Variants in SETBP1 observed in about 807,000 individuals in gnomAD.
The protein encoded by SETBP1 is SET binding protein 1, also known as SET-binding protein.
Under a neutral mutation model 101.0 loss-of-function variants are expected in SETBP1, and 9 were observed. The observed-to-expected ratio is 0.09, with a 90% CI of 0.05 to 0.16. The LOEUF is 0.16. SETBP1 is among the 10% of genes least tolerant of loss of function. The pLI, the probability that SETBP1 is intolerant of heterozygous loss-of-function variation, is 1.00. For synonymous variants in SETBP1, 818 were observed against 788.5 expected (o/e 1.04, Z -0.63); for missense variants, 1,858 against 2,033.8 (o/e 0.91, Z 1.66).
chr18:44,887,460 G>T (rs1190841360), intron 3 of SETBP1, among the ~76,000 whole-genome samples: 1 of 152,104 alleles, frequency 6.6e-6, no homozygotes, highest in Admixed American at 6.5e-5. Flanking sequence ...GCTATCTCTG[G>T]CTATTCTGAG....
At chr18:45,042,938 G>C (rs2145513325) in intron 5 of SETBP1, among the ~76,000 whole-genome samples, 1 of 152,270 alleles carries the variant, frequency 6.6e-6, no homozygotes, top group East Asian at 1.9e-4. Context: ...CAGCCAAGGA[G>C]GTCTGATTCA....
intron 2 of SETBP1, among the ~76,000 whole-genome samples, chr18:44,754,079 C>T (rs2070443259): frequency 6.6e-6 from 1 of 152,188 alleles, no homozygotes; most frequent in East Asian, 1.9e-4. Context: ...CCCTACAAAC[C>T]AGTTCTATCC....
At chr18:44,802,307 C>A (rs541968678) in intron 2 of SETBP1, among the ~76,000 whole-genome samples, 2 of 152,264 alleles carry the variant, frequency 1.3e-5, no homozygotes, top group Non-Finnish European at 1.5e-5. Flanking sequence ...TAGGTTGATT[C>A]TTGGAAAGAA....
chr18:44,995,529 TTGTGTG>T (rs60256060), intron 4 of SETBP1, among the ~76,000 whole-genome samples: 3,982 of 142,924 alleles, frequency 0.028, 84 homozygotes, highest in African/African-American at 0.062. Context: ...GTCCAGGCTT[TTGTGTG>T]TGTGTGTGTG....
chr18:44,703,123 C>T (rs1393543065), intron 2 of SETBP1, among the ~76,000 whole-genome samples: 8 of 152,066 alleles, frequency 5.3e-5, no homozygotes, highest in East Asian at 1.9e-4. Context: ...TTTTTGTCTT[C>T]GAAAATCTTT....
At chr18:44,768,298 TC>T (rs1403672776) in intron 2 of SETBP1, among the ~76,000 whole-genome samples, 5 of 152,188 alleles carry the variant, frequency 3.3e-5, no homozygotes, top group African/African-American at 1.2e-4. Context: ...TATTGGGATC[TC>T]CAGTGAAGTT....
chr18:44,953,420 A>G, intron 4 of SETBP1, 80 bp downstream of exon 4: 3 of 1,281,544 alleles, frequency 2.3e-6, no homozygotes, highest in Non-Finnish European at 3.3e-6. Flanking sequence ...TCTGTGGCAC[A>G]TTGTGTTCAC....
intron 4 of SETBP1, among the ~76,000 whole-genome samples, chr18:44,973,858 G>C (rs75717080): frequency 0.014 from 2,070 of 152,166 alleles, 49 homozygotes; most frequent in African/African-American, 0.047. Flanking sequence ...CTGCATTTTC[G>C]GATACCACAC....
At chr18:45,038,410 C>A in intron 4 of SETBP1, 75 bp from the exon 5 acceptor site, 1 of 1,323,104 alleles carries the variant, frequency 7.6e-7, no homozygotes, top group South Asian at 1.2e-5. Context: ...TTCCTCAGAT[C>A]ATGTCCAGGT....
Position 44,937,189 on chromosome 18 carries a change from A to G in SETBP1, c.541-12692A>G, listed in dbSNP as rs369227819. On this transcript the variant is annotated intron_variant, in intron 3 of 5. Transcript: ENST00000649279. ...CACTACTGGCCGGGCGCGGTGGCTC[A>G]CGCCTGTAATCCCAGCACTTTGGGA... is the stretch of plus-strand genomic sequence containing the variant. 8.0e-3 allele frequency among the ~76,000 whole-genome samples: 1,220 copies of G among 152,236 alleles called. 20 individuals carry two copies. Among genetic ancestry groups the G allele is most frequent in the African/African-American group, 0.028 (1,146 of 41,554 alleles).
intron 4 of SETBP1, among the ~76,000 whole-genome samples, chr18:44,984,695 C>T (rs2072190582): frequency 1.3e-5 from 2 of 152,144 alleles, no homozygotes. Context: ...AAGCATTTTT[C>T]TGTCATGTTG....
intron 4 of SETBP1, among the ~76,000 whole-genome samples, chr18:44,973,089 G>T (rs1211064151): frequency 6.6e-6 from 1 of 152,156 alleles, no homozygotes; most frequent in Non-Finnish European, 1.5e-5. Context: ...AGCATAAAGG[G>T]TAGTTGAATT....
intron 1 of SETBP1, among the ~76,000 whole-genome samples, chr18:44,684,405 C>T (rs544606707): frequency 3.8e-4 from 58 of 152,216 alleles, no homozygotes; most frequent in African/African-American, 1.3e-3. Context: ...TCTGAGTTTT[C>T]GTTTTCCCTT....
At chr18:44,928,773 G>A (rs2070759386) in intron 3 of SETBP1, among the ~76,000 whole-genome samples, 1 of 152,130 alleles carries the variant, frequency 6.6e-6, no homozygotes, top group South Asian at 2.1e-4. Context: ...TTTTTGATGG[G>A]ATTGTTTGAT....
chr18:44,933,731 G>A (rs1016467958), intron 3 of SETBP1, among the ~76,000 whole-genome samples: 66 of 152,332 alleles, frequency 4.3e-4, no homozygotes, highest in African/African-American at 1.5e-3. Flanking sequence ...GGCTCCGTGG[G>A]TGTGGTACCC....
intron 4 of SETBP1, among the ~76,000 whole-genome samples, chr18:44,972,180 A>G (rs1418563105): frequency 6.6e-6 from 1 of 152,112 alleles, no homozygotes; most frequent in Admixed American, 6.5e-5. Context: ...AAGATCAGAT[A>G]GTTGTAGATA....
intron 5 of SETBP1, among the ~76,000 whole-genome samples, chr18:45,054,532 A>C (rs115997074): frequency 0.025 from 3,739 of 152,244 alleles, 141 homozygotes; most frequent in African/African-American, 0.084. Flanking sequence ...AAAATCCCCC[A>C]GACTTAAAAC....
intron 5 of SETBP1, among the ~76,000 whole-genome samples, chr18:45,042,833 A>C (rs1288613139): frequency 6.6e-6 from 1 of 152,078 alleles, no homozygotes; most frequent in African/African-American, 2.4e-5. Context: ...AGCTACTGGG[A>C]GGGAGGATGA....
chr18:44,839,735 C>G lies in SETBP1; in HGVS notation c.487-29495C>G, dbSNP rs147800132. 6.0e-3 allele frequency among the ~76,000 whole-genome samples: 913 copies of G among 152,314 alleles called. 9 individuals carry two copies. The highest frequency in any genetic ancestry group is 0.021 in the African/African-American group (870 of 41,552). Reference sequence around the variant, plus strand: ...TGAGATGAAAGATAGATGGGATAAGCATTCTCCTTCCCTGTATGGGTTTTA... The same window carrying G: ...TGAGATGAAAGATAGATGGGATAAGGATTCTCCTTCCCTGTATGGGTTTTA... On this transcript the variant is annotated intron_variant, in intron 2 of 5. Coordinates refer to ENST00000649279, the MANE Select transcript of SETBP1 (RefSeq NM_015559.3).
Sources: gnomAD v4.1 joint callset for allele counts (sites outside exome capture counted in the v4.1 genomes callset) on GRCh38, gnomAD v4.1.1 for gene constraint, MANE v1.5 for transcripts, NCBI Gene and HGNC (gene_info 2026-07-23, HGNC 2026-07-21) for gene names.